The following UBE2D2 variants were observed in gnomAD, a reference collection of about 807,000 sequenced individuals.
UBE2D2 encodes ubiquitin-conjugating enzyme E2 D2.
Under a neutral mutation model 24.2 loss-of-function variants are expected in UBE2D2, and 2 were observed. That is an observed-to-expected ratio of 0.08 (90% CI 0.03 to 0.26). The LOEUF (loss-of-function observed/expected upper bound fraction) is 0.26, where lower values mean the gene tolerates loss of function less well. Among genes scored for constraint, UBE2D2 ranks in the 10% least tolerant of loss-of-function variants. UBE2D2 has a pLI of 1.00. For missense variants in UBE2D2, 44 were observed against 177.6 expected (o/e 0.25, Z 4.28); for synonymous variants, 58 against 56.5 (o/e 1.03, Z -0.12).
At chr5:139,623,882 A>G (rs1339691127) in intron 6 of UBE2D2, among the ~76,000 whole-genome samples, 4 of 151,828 alleles carry the variant, frequency 2.6e-5, no homozygotes, top group African/African-American at 9.7e-5. Context: ...TTTAGTAGAG[A>G]CTTTTACCAT....
At chr5:139,577,882 G>A (rs554507026) in intron 1 of UBE2D2, among the ~76,000 whole-genome samples, 86 of 152,352 alleles carry the variant, frequency 5.6e-4, no homozygotes, top group Non-Finnish European at 9.6e-4. Flanking sequence ...GAGGGTGTCA[G>A]TAACCCAGCA....
chr5:139,576,143 A>G (rs1753463295), intron 1 of UBE2D2, among the ~76,000 whole-genome samples: 1 of 152,214 alleles, frequency 6.6e-6, no homozygotes, highest in Non-Finnish European at 1.5e-5. Flanking sequence ...TTAAATGTTT[A>G]CATATTTATA....
chr5:139,561,727 C>CA lies in UBE2D2; in HGVS notation c.-65_-64insA, dbSNP rs1753101445. 7.6e-7 allele frequency: 1 copy of CA among 1,308,006 alleles called. No homozygotes were observed. The highest frequency in any genetic ancestry group is 1.0e-6 in the Non-Finnish European group (1 of 976,152). 81.0% of individuals were successfully genotyped at this position (1,308,006 alleles called of 1,614,324 possible). ...GCCGAGGCGGCCTCAGGCTCCCTAG[C>CA]CCCTTCCCCGTCCCTTCCCCGCCCC... is the stretch of plus-strand genomic sequence containing the variant. On this transcript the variant is annotated 5_prime_UTR_variant, in exon 1 of 7. Coordinates refer to ENST00000398733, the MANE Select transcript of UBE2D2 (RefSeq NM_003339.3).
At chr5:139,533,543 G>A (rs369692976) in intron 1 of UBE2D2, among the ~76,000 whole-genome samples, 2 of 151,724 alleles carry the variant, frequency 1.3e-5, no homozygotes, top group African/African-American at 4.8e-5. Context: ...CCAGCTACTC[G>A]GGAGGCTGAG....
intron 2 of UBE2D2, among the ~76,000 whole-genome samples, chr5:139,613,693 A>G (rs1440213562): frequency 6.6e-6 from 1 of 151,922 alleles, no homozygotes; most frequent in East Asian, 1.9e-4. Flanking sequence ...CCTACACAAG[A>G]GTTTTTAGAA....
chr5:139,572,934 A>G (rs1315353204), intron 1 of UBE2D2, among the ~76,000 whole-genome samples: 1 of 152,072 alleles, frequency 6.6e-6, no homozygotes, highest in Non-Finnish European at 1.5e-5. Context: ...GTGAGCCACC[A>G]TGCCCCACCT....
upstream of UBE2D2, among the ~76,000 whole-genome samples, chr5:139,560,701 T>A (rs957685148): frequency 6.6e-6 from 1 of 152,192 alleles, no homozygotes; most frequent in Admixed American, 6.5e-5. Context: ...TGCTTGCTTG[T>A]AACAATTTGC....
intron 1 of UBE2D2, among the ~76,000 whole-genome samples, chr5:139,563,699 G>C (rs1739507336): frequency 6.6e-6 from 1 of 152,200 alleles, no homozygotes. Context: ...TTGGGAGGCT[G>C]AGGTGGGTGG....
intron 5 of UBE2D2, among the ~76,000 whole-genome samples, chr5:139,615,382 G>T: frequency 6.6e-6 from 1 of 152,152 alleles, no homozygotes; most frequent in East Asian, 1.9e-4. Context: ...CTACTCGGGA[G>T]GCTGAGGCAG....
chr5:139,626,283 T>C (rs1754626915), intron 6 of UBE2D2, among the ~76,000 whole-genome samples: 1 of 152,110 alleles, frequency 6.6e-6, no homozygotes, highest in Non-Finnish European at 1.5e-5. Flanking sequence ...TTGCCCAGGC[T>C]GGTGTGAAAC....
chr5:139,590,782 CTTTTTTT>C (rs57962602), intron 1 of UBE2D2, among the ~76,000 whole-genome samples: 20 of 38,420 alleles, frequency 5.2e-4, no homozygotes, highest in African/African-American at 1.7e-3. Flanking sequence ...TTCTCTTCTT[CTTTTTTT>C]TTTTTTTTTT....
chr5:139,613,018 C>G (rs1754355832), intron 2 of UBE2D2, among the ~76,000 whole-genome samples: 1 of 152,100 alleles, frequency 6.6e-6, no homozygotes, highest in African/African-American at 2.4e-5. Context: ...TGGCTTTGTC[C>G]TTGGCTTACT....
rs143237380 is a variant in UBE2D2, at chr5:139,548,941, C to T, written c.-64+22329C>T. ...TCAGCTCACTGCAACCTCCGTCTCCCGGGTTCAAGCGATTCTCCTGCCTCA... is the reference window on the plus strand; with the variant it reads ...TCAGCTCACTGCAACCTCCGTCTCCTGGGTTCAAGCGATTCTCCTGCCTCA... On this transcript the variant is annotated intron_variant, in intron 1 of 6. Transcript: ENST00000511725. 9.1e-3 allele frequency among the ~76,000 whole-genome samples: 1,380 copies of T among 151,968 alleles called. 26 individuals carry two copies. Among genetic ancestry groups the T allele is most frequent in the African/African-American group, 0.029 (1,217 of 41,446 alleles).
At position 139,527,292 on chromosome 5, in the gene UBE2D2, C is replaced by G. The variant is rs148532106; in HGVS notation, c.-64+680C>G. ...CAGCTGGTTTTAGACCCCCTTCCCC[C>G]TCTCCCCACAGTAGTTAAGAGAACA... On this transcript the variant is annotated intron_variant, in intron 1 of 6. Coordinates refer to the UBE2D2 transcript ENST00000511725. Among the ~76,000 whole-genome samples the G allele has an allele frequency of 1.4e-4, 22 of 152,270 alleles. No individual in the cohort carries two copies. The East Asian group carries it at 4.2e-3, about 29-fold the overall frequency.
intron 1 of UBE2D2, among the ~76,000 whole-genome samples, chr5:139,531,101 G>A (rs1001422120): frequency 6.6e-6 from 1 of 152,176 alleles, no homozygotes; most frequent in Non-Finnish European, 1.5e-5. Flanking sequence ...GGAAGAGAGA[G>A]ACCCTCTCAT....
At chr5:139,550,346 C>G (rs1451788895) in intron 1 of UBE2D2, among the ~76,000 whole-genome samples, 1 of 152,180 alleles carries the variant, frequency 6.6e-6, no homozygotes, top group East Asian at 1.9e-4. Flanking sequence ...GCAATCAACA[C>G]TCTGCGTCTA....
At chr5:139,584,360 C>G (rs886635250) in intron 1 of UBE2D2, among the ~76,000 whole-genome samples, 1 of 151,936 alleles carries the variant, frequency 6.6e-6, no homozygotes, top group African/African-American at 2.4e-5. Flanking sequence ...CTTTGATGTT[C>G]CTACAGCTAC....
intron 1 of UBE2D2, among the ~76,000 whole-genome samples, chr5:139,544,259 G>A (rs977603913): frequency 6.7e-6 from 1 of 149,114 alleles, no homozygotes; most frequent in African/African-American, 2.5e-5. Flanking sequence ...GCCTCACAAA[G>A]TGCTGAGATT....
chr5:139,559,814 T>A (rs554576808), upstream of UBE2D2, among the ~76,000 whole-genome samples: 6 of 152,264 alleles, frequency 3.9e-5, no homozygotes, highest in South Asian at 1.2e-3. Context: ...TTTCAGAATG[T>A]GGGCATTACC....
Sources: allele counts gnomAD v4.1 joint callset (sites outside exome capture counted in the v4.1 genomes callset), GRCh38; gene constraint gnomAD v4.1.1; transcripts MANE v1.5; gene names NCBI Gene and HGNC (gene_info 2026-07-23, HGNC 2026-07-21).